The following PCDHA10 variants were observed in gnomAD, a reference collection of about 807,000 sequenced individuals.
PCDHA10 encodes the protein protocadherin alpha-10.
A neutral mutation model predicts 61.2 loss-of-function variants in PCDHA10; 45 were observed. That is an observed-to-expected ratio of 0.74 (90% CI 0.58 to 0.94). The LOEUF is 0.94. Among genes scored for constraint, PCDHA10 ranks in the 40% least tolerant of loss-of-function variants. The pLI is 0.00. For synonymous variants in PCDHA10, 602 were observed against 548.8 expected (o/e 1.10, Z -1.35); for missense variants, 1,278 against 1,236.2 (o/e 1.03, Z -0.51).
intron 1 of PCDHA10, among the ~76,000 whole-genome samples, chr5:140,935,973 A>C (rs956262031): frequency 1.3e-5 from 2 of 150,786 alleles, no homozygotes; most frequent in Admixed American, 1.3e-4. Flanking sequence ...GCTCACTGCA[A>C]TCTCTGCCTC....
Position 140,918,319 on chromosome 5 carries a change from A to T in PCDHA10, c.2388+59883A>T, listed in dbSNP as rs568659309. Among the ~76,000 whole-genome samples, 8 of 152,266 alleles carry T rather than the reference A, an allele frequency of 5.3e-5. No individual in the cohort carries two copies. In the South Asian group the frequency reaches 1.7e-3, roughly 32 times the overall value. ...GAATATAGGGTTTTCTAGGTATAAAATTATATTGTCTGCTAAGAGAGATAG... is the reference window on the plus strand; with the variant it reads ...GAATATAGGGTTTTCTAGGTATAAATTTATATTGTCTGCTAAGAGAGATAG... On this transcript the variant is annotated intron_variant, in intron 1 of 3. Coordinates refer to ENST00000307360, the MANE Select transcript of PCDHA10 (RefSeq NM_018901.4).
intron 1 of PCDHA10, among the ~76,000 whole-genome samples, chr5:140,954,765 C>T (rs1305270750): frequency 6.6e-6 from 1 of 152,064 alleles, no homozygotes; most frequent in Non-Finnish European, 1.5e-5. Context: ...TGCAGAAGCT[C>T]TTTAATTTAA....
intron 1 of PCDHA10, chr5:140,876,480 C>A (rs368324550): frequency 6.2e-7 from 1 of 1,613,992 alleles, no homozygotes; most frequent in Non-Finnish European, 8.5e-7. Context: ...ACAGCATGGT[C>A]CTGGTGGAAG....
intron 1 of PCDHA10, among the ~76,000 whole-genome samples, chr5:140,920,261 A>T (rs535022961): frequency 3.3e-4 from 50 of 152,226 alleles, no homozygotes; most frequent in Non-Finnish European, 2.8e-4. Context: ...TATAATAATT[A>T]TTACTTTATG....
At chr5:140,870,097 C>T in intron 1 of PCDHA10, 1 of 1,613,888 alleles carries the variant, frequency 6.2e-7, no homozygotes, top group African/African-American at 1.3e-5. Context: ...AATGGCAGGT[C>T]ACTGTACAGT....
intron 1 of PCDHA10, chr5:140,870,247 G>C (rs2051798085): frequency 5.6e-6 from 9 of 1,614,024 alleles, no homozygotes; most frequent in Admixed American, 1.7e-5. Flanking sequence ...AGGTGTCAAC[G>C]GACAGGTGAC....
At chr5:140,893,666 C>T (rs2064116335) in intron 1 of PCDHA10, among the ~76,000 whole-genome samples, 1 of 152,160 alleles carries the variant, frequency 6.6e-6, no homozygotes, top group African/African-American at 2.4e-5. Flanking sequence ...TAAAAAATTT[C>T]AGCACTTTGG....
intron 1 of PCDHA10, chr5:140,969,232 C>A (rs138367129): frequency 1.9e-4 from 314 of 1,614,066 alleles, no homozygotes; most frequent in Non-Finnish European, 2.5e-4. Flanking sequence ...CTTCGGGAGC[C>A]CAAGCAGCAG....
At chr5:140,869,729 A>G (rs1554163384) in intron 1 of PCDHA10, 3 of 1,613,398 alleles carry the variant, frequency 1.9e-6, no homozygotes, top group Admixed American at 3.3e-5. Flanking sequence ...CCGGAACTTA[A>G]TTTGCTGCTA....
At chr5:140,920,411 T>G (rs533328116) in intron 1 of PCDHA10, among the ~76,000 whole-genome samples, 39 of 152,352 alleles carry the variant, frequency 2.6e-4, no homozygotes, top group Middle Eastern at 3.4e-3. Flanking sequence ...TTTAATCAGA[T>G]ACAGCTGTTC....
rs140822878 is a variant in PCDHA10 at position 140,941,951 on chromosome 5, A to C, written c.2389-36998A>C. Among the ~76,000 whole-genome samples the C allele has an allele frequency of 9.8e-5, 15 of 152,306 alleles. No individual in the cohort carries two copies. The East Asian group carries it at 2.7e-3, about 27-fold the overall frequency. On this transcript the variant is annotated intron_variant, in intron 1 of 3. Transcript: ENST00000307360. Reference sequence around the variant, plus strand: ...ATATTTGAATTACTTTTGTTTTGAAAACAATAGTATCTTTACTTTCCCTAA... The same window carrying C: ...ATATTTGAATTACTTTTGTTTTGAACACAATAGTATCTTTACTTTCCCTAA...
rs375771604 is a variant in PCDHA10, at chr5:140,876,994, G to A, written c.2388+18558G>A. ...GGGCGAGCACGCACTGTCGAGCTAC[G>A]TGTCGGTGCACGCGGAGAGCGGCAA... On this transcript the variant is annotated intron_variant, in intron 1 of 3. Transcript: ENST00000307360. The A allele has an allele frequency of 5.6e-6, 9 of 1,612,502 alleles. No individual in the cohort carries two copies. The highest frequency in any genetic ancestry group is 5.0e-5 in the Admixed American group (3 of 59,998).
intron 1 of PCDHA10, among the ~76,000 whole-genome samples, chr5:140,915,326 T>C (rs2077071352): frequency 6.6e-6 from 1 of 152,196 alleles, no homozygotes; most frequent in Non-Finnish European, 1.5e-5. Flanking sequence ...TACAGTGTTA[T>C]AATATTCTGT....
At chr5:140,870,401 C>A in intron 1 of PCDHA10, 1 of 1,614,252 alleles carries the variant, frequency 6.2e-7, no homozygotes, top group Non-Finnish European at 8.5e-7. Context: ...GGTTCGCCTT[C>A]TCTGTGGGCC....
chr5:140,909,280 T>C (rs1353122604), intron 1 of PCDHA10, among the ~76,000 whole-genome samples: 3 of 152,212 alleles, frequency 2.0e-5, no homozygotes, highest in African/African-American at 7.2e-5. Flanking sequence ...TTGCTTCTGG[T>C]GGGCCTTATG....
chr5:140,941,199 C>CTT (rs879983584), intron 1 of PCDHA10, among the ~76,000 whole-genome samples: 22 of 115,972 alleles, frequency 1.9e-4, no homozygotes, highest in African/African-American at 6.6e-4. Context: ...TTTTTTCTTT[C>CTT]TTCCTTTCTT....
At chr5:140,858,653 TTTTAAATAACAATTTATTCTGAATACAC>T in intron 1 of PCDHA10, 1 of 816,482 alleles carries the variant, frequency 1.2e-6, no homozygotes, top group Non-Finnish European at 1.9e-6. Flanking sequence ...ACTTAAATTT[TTTTAAATAACAATTTATTCTGAATACAC>T]TAATATTTTC....
intron 1 of PCDHA10, chr5:140,864,423 CACAA>C (rs1165677153): frequency 1.8e-4 from 27 of 152,176 alleles, no homozygotes; most frequent in Non-Finnish European, 3.4e-4. Flanking sequence ...CAGCTTCGTC[CACAA>C]ACAATTTTGT....
chr5:140,927,290 T>A (rs1563090312), intron 1 of PCDHA10: 2 of 1,614,054 alleles, frequency 1.2e-6, no homozygotes, highest in Admixed American at 1.7e-5. Context: ...CAGCTGCACA[T>A]CCCCGAGTTC....
Sources: gnomAD v4.1 joint callset for allele counts (sites outside exome capture counted in the v4.1 genomes callset) on GRCh38, gnomAD v4.1.1 for gene constraint, MANE v1.5 for transcripts, NCBI Gene and HGNC (gene_info 2026-07-23, HGNC 2026-07-21) for gene names.